The following LRP1B variants were observed in gnomAD, a reference collection of about 807,000 sequenced individuals.
LRP1B encodes LDL receptor related protein 1B, also known as low-density lipoprotein receptor-related protein 1B.
LRP1B carries 217 observed loss-of-function variants against 556.6 expected under a neutral mutation model. That is an observed-to-expected ratio of 0.39 (90% confidence interval 0.35 to 0.44). The LOEUF is 0.44. Ranked by LOEUF, LRP1B falls within the 20% of genes least tolerant of loss-of-function variation. The probability of loss-of-function intolerance (pLI) is 1.00; values close to 1 mark genes in which losing one functional copy is unlikely to be tolerated. For missense variants in LRP1B, 5,053 were observed against 5,620.8 expected (o/e 0.90, Z 3.23); for synonymous variants, 2,047 against 1,865.8 (o/e 1.10, Z -2.50).
At chr2:141,073,113 G>C (rs1248422025) in intron 7 of LRP1B, among the ~76,000 whole-genome samples, 1 of 151,996 alleles carries the variant, frequency 6.6e-6, no homozygotes, top group Non-Finnish European at 1.5e-5. Context: ...TCCATTTATA[G>C]TCCTTTTTCT....
intron 41 of LRP1B, among the ~76,000 whole-genome samples, chr2:140,611,216 A>G (rs1201665545): frequency 6.6e-6 from 1 of 152,154 alleles, no homozygotes; most frequent in Admixed American, 6.5e-5. Context: ...TTCTGTTTTT[A>G]TTATAAGAAG....
At chr2:141,467,549 T>G (rs1321711933) in intron 3 of LRP1B, among the ~76,000 whole-genome samples, 1 of 152,080 alleles carries the variant, frequency 6.6e-6, no homozygotes. Context: ...TTGGTTTCAG[T>G]CCAGCCTGAA....
intron 7 of LRP1B, among the ~76,000 whole-genome samples, chr2:141,178,518 C>T (rs1349234668): frequency 1.3e-5 from 2 of 152,090 alleles, no homozygotes; most frequent in African/African-American, 4.8e-5. Context: ...ATGGAGAGGA[C>T]TGCAAGTCAG....
intron 3 of LRP1B, among the ~76,000 whole-genome samples, chr2:141,308,948 T>C (rs1266990174): frequency 6.6e-6 from 1 of 152,204 alleles, no homozygotes; most frequent in African/African-American, 2.4e-5. Flanking sequence ...ATATTTGATA[T>C]TATAATTTGA....
chr2:140,509,215 T>C (rs1164606478), intron 52 of LRP1B, among the ~76,000 whole-genome samples: 2 of 152,078 alleles, frequency 1.3e-5, no homozygotes, highest in Non-Finnish European at 1.5e-5. Context: ...TTCGCAGCAT[T>C]ATTTCTGACA....
At chr2:141,466,233 T>C (rs1682192159) in intron 3 of LRP1B, among the ~76,000 whole-genome samples, 1 of 152,196 alleles carries the variant, frequency 6.6e-6, no homozygotes, top group South Asian at 2.1e-4. Flanking sequence ...GAGTCAGTGA[T>C]ACTGTCCAAA....
At chr2:140,647,982 G>A (rs1012266155) in intron 41 of LRP1B, among the ~76,000 whole-genome samples, 1 of 152,142 alleles carries the variant, frequency 6.6e-6, no homozygotes, top group African/African-American at 2.4e-5. Context: ...ATAAAGACAT[G>A]TGCACATGTA....
intron 1 of LRP1B, among the ~76,000 whole-genome samples, chr2:142,043,458 A>T (rs1301669303): frequency 6.6e-6 from 1 of 151,646 alleles, no homozygotes; most frequent in East Asian, 1.9e-4. Flanking sequence ...GCAATAAAGC[A>T]TCCCTTTTTT....
intron 2 of LRP1B, among the ~76,000 whole-genome samples, chr2:141,500,644 G>A (rs1219229886): frequency 6.6e-6 from 1 of 152,126 alleles, no homozygotes; most frequent in Non-Finnish European, 1.5e-5. Flanking sequence ...GCAAATTAAA[G>A]TATATGAAAG....
chr2:140,864,033 C>G (rs1412062423), intron 27 of LRP1B, among the ~76,000 whole-genome samples: 2 of 151,770 alleles, frequency 1.3e-5, no homozygotes, highest in African/African-American at 4.8e-5. Flanking sequence ...CTTCAGACTT[C>G]TGTTCAGATA....
At chr2:141,895,002 C>T (rs1232506053) in intron 1 of LRP1B, among the ~76,000 whole-genome samples, 5 of 142,014 alleles carry the variant, frequency 3.5e-5, no homozygotes, top group Admixed American at 7.4e-5. Context: ...GAGTTGAGTT[C>T]GTGCCATTGC....
intron 52 of LRP1B, among the ~76,000 whole-genome samples, chr2:140,508,800 A>C (rs1689526021): frequency 6.6e-6 from 1 of 152,174 alleles, no homozygotes; most frequent in Admixed American, 6.6e-5. Context: ...CCCTTGTGGT[A>C]CAAACGTGTT....
At chr2:140,667,099 G>A (rs1388955629) in intron 41 of LRP1B, among the ~76,000 whole-genome samples, 1 of 152,186 alleles carries the variant, frequency 6.6e-6, no homozygotes, top group Non-Finnish European at 1.5e-5. Flanking sequence ...AGGCGCATTG[G>A]CATGCTGTGA....
chr2:140,545,683 T>C (rs538223858), intron 43 of LRP1B, among the ~76,000 whole-genome samples: 18 of 152,142 alleles, frequency 1.2e-4, no homozygotes, highest in Non-Finnish European at 1.9e-4. Context: ...TTGGTTACTG[T>C]AGCCCTGTAG....
intron 3 of LRP1B, among the ~76,000 whole-genome samples, chr2:141,355,697 T>C (rs1211196940): frequency 6.6e-6 from 1 of 152,092 alleles, no homozygotes; most frequent in Non-Finnish European, 1.5e-5. Flanking sequence ...AAAAGTCAAA[T>C]TAATGAACGA....
At chr2:141,977,262 A>G (rs1701912863) in intron 1 of LRP1B, among the ~76,000 whole-genome samples, 1 of 152,122 alleles carries the variant, frequency 6.6e-6, no homozygotes, top group South Asian at 2.1e-4. Flanking sequence ...TCTATAATCC[A>G]GATCGCTAAA....
intron 2 of LRP1B, among the ~76,000 whole-genome samples, chr2:141,728,536 G>A (rs1050955303): frequency 6.6e-6 from 1 of 152,112 alleles, no homozygotes; most frequent in Admixed American, 6.6e-5. Context: ...TCCTGTTGCT[G>A]TAAAGTTACA....
intron 6 of LRP1B, among the ~76,000 whole-genome samples, chr2:141,213,849 G>A (rs1353224913): frequency 6.6e-6 from 1 of 151,472 alleles, no homozygotes; most frequent in Non-Finnish European, 1.5e-5. Context: ...TTTGACCGAT[G>A]GTTGGCTGAA....
chr2:140,418,133 T>C (rs959156935), intron 66 of LRP1B, among the ~76,000 whole-genome samples: 2 of 152,190 alleles, frequency 1.3e-5, no homozygotes, highest in Admixed American at 1.3e-4. Flanking sequence ...GAATGACAAC[T>C]GTGAACAAAT....
Sources: gnomAD v4.1 joint callset for allele counts (sites outside exome capture counted in the v4.1 genomes callset) on GRCh38, gnomAD v4.1.1 for gene constraint, MANE v1.5 for transcripts, NCBI Gene and HGNC (gene_info 2026-07-23, HGNC 2026-07-21) for gene names.